SNX30: variants seen among roughly 807,000 people sequenced by gnomAD.
SNX30 encodes sorting nexin-30.
A neutral mutation model predicts 46.4 loss-of-function variants in SNX30; 24 were observed. The observed-to-expected ratio is 0.52, with a 90% CI of 0.37 to 0.73. The LOEUF (loss-of-function observed/expected upper bound fraction) is 0.73. SNX30 is among the 30% of genes least tolerant of loss of function. SNX30 has a pLI of 0.00. For missense variants in SNX30, 533 were observed against 555.7 expected, an observed-to-expected ratio of 0.96 and a Z score of 0.41; for synonymous variants, 189 against 211.5, an observed-to-expected ratio of 0.89 and a Z score of 0.92.
intron 3 of SNX30, 67 bp from the exon 4 acceptor site, chr9:112,830,658 T>A (rs750291355): frequency 6.8e-7 from 1 of 1,470,642 alleles, no homozygotes; most frequent in Admixed American, 2.1e-5. Flanking sequence ...AACTGTGTGC[T>A]AGCCTGGTTG....
intron 1 of SNX30, among the ~76,000 whole-genome samples, chr9:112,756,758 G>C (rs528622361): frequency 6.6e-6 from 1 of 152,298 alleles, no homozygotes; most frequent in South Asian, 2.1e-4. Flanking sequence ...ACTGCGCTCG[G>C]CTCCTTCACC....
downstream of SNX30, among the ~76,000 whole-genome samples, chr9:112,881,841 T>C (rs1841581728): frequency 6.6e-6 from 1 of 152,188 alleles, no homozygotes; most frequent in East Asian, 1.9e-4. Flanking sequence ...TAGGAAGCTC[T>C]GGGAGCATGT....
chr9:112,815,574 T>C lies in SNX30; in HGVS notation c.349-2131T>C, dbSNP rs552247841. ...CAGGGTTTCACCATGTTGGCCAGGCTGATCTTGAACTACCGACCCCAAATG... is the reference window on the plus strand; with the variant it reads ...CAGGGTTTCACCATGTTGGCCAGGCCGATCTTGAACTACCGACCCCAAATG... On this transcript the variant is annotated intron_variant, in intron 2 of 8. Transcript: ENST00000374232. 3.9e-5 allele frequency among the ~76,000 whole-genome samples: 6 copies of C among 152,292 alleles called. No individual in the cohort carries two copies. In the South Asian group the frequency reaches 1.2e-3, roughly 32 times the overall value.
At chr9:112,824,530 G>GTT (rs11458353) in intron 3 of SNX30, among the ~76,000 whole-genome samples, 44 of 143,528 alleles carry the variant, frequency 3.1e-4, no homozygotes, top group South Asian at 6.7e-4. Flanking sequence ...ACACCCAGGT[G>GTT]TTTTTTTTTT....
chr9:112,846,367 T>C (rs1237032512), intron 6 of SNX30, among the ~76,000 whole-genome samples: 1 of 152,218 alleles, frequency 6.6e-6, no homozygotes, highest in East Asian at 1.9e-4. Flanking sequence ...GAGGGGATAA[T>C]GTGTGGTTTC....
chr9:112,838,280 A>G (rs1840796048), intron 5 of SNX30, among the ~76,000 whole-genome samples: 1 of 152,188 alleles, frequency 6.6e-6, no homozygotes, highest in Non-Finnish European at 1.5e-5. Context: ...CATTCCCATC[A>G]CGGGATGGAA....
At chr9:112,751,944 A>C (rs1349935461) in intron 1 of SNX30, among the ~76,000 whole-genome samples, 1 of 152,134 alleles carries the variant, frequency 6.6e-6, no homozygotes, top group Non-Finnish European at 1.5e-5. Flanking sequence ...CCCTACCCCC[A>C]TGGCCATTTC....
At chr9:112,857,457 G>A (rs1205314884) in intron 7 of SNX30, among the ~76,000 whole-genome samples, 2 of 152,218 alleles carry the variant, frequency 1.3e-5, no homozygotes, top group East Asian at 1.9e-4. Context: ...CCAGAGGGCA[G>A]AGGACCAATC....
intron 6 of SNX30, among the ~76,000 whole-genome samples, chr9:112,845,005 A>G (rs1564289417): frequency 6.6e-6 from 1 of 152,214 alleles, no homozygotes; most frequent in Admixed American, 6.5e-5. Flanking sequence ...TCCTGAACAA[A>G]AGAGATTATA....
In SNX30 at chr9:112,751,138, C is replaced by A; in HGVS notation, c.137C>A (p.Ala46Asp). ...ACGCCCAGCCCGGACCTGCTGATGG[C>A]CCGCAGCTTCGGTGACAAGGTGGGG... ...DSTPSPDLLMARSFGDKDLIL... is the reference protein window; with the variant it reads ...DSTPSPDLLMDRSFGDKDLIL... Residue 46 changes from alanine to aspartate, a missense_variant, in exon 1 of 9, where the codon GCC becomes GAC. This residue lies in a region of SNX30 where 191 missense variants were observed against 160.3 expected (regional missense o/e 1.19). Coordinates refer to ENST00000374232, the MANE Select transcript of SNX30 (RefSeq NM_001012994.2). 6.6e-7 allele frequency: 1 copy of A among 1,510,614 alleles called. No homozygotes were observed. Among genetic ancestry groups the A allele is most frequent in the Non-Finnish European group, 8.8e-7 (1 of 1,136,370 alleles). 93.6% of individuals were successfully genotyped at this position (1,510,614 alleles called of 1,614,324 possible).
chr9:112,776,805 G>A (rs787280), intron 1 of SNX30, among the ~76,000 whole-genome samples: 132,796 of 152,232 alleles, frequency 0.87, 58,123 homozygotes, highest in Middle Eastern at 0.91. Flanking sequence ...ATGTGTGGCT[G>A]ATAACAGGAC....
intron 1 of SNX30, among the ~76,000 whole-genome samples, chr9:112,768,377 G>A (rs1839579987): frequency 6.6e-6 from 1 of 152,206 alleles, no homozygotes; most frequent in Non-Finnish European, 1.5e-5. Flanking sequence ...AGAGCTCATA[G>A]AAACTGCAGA....
chr9:112,754,246 A>C (rs892041322), intron 1 of SNX30, among the ~76,000 whole-genome samples: 1 of 152,180 alleles, frequency 6.6e-6, no homozygotes, highest in Non-Finnish European at 1.5e-5. Context: ...GTGCTTGGGT[A>C]GAAGAGAAAG....
chr9:112,769,311 C>G (rs1455069051), intron 1 of SNX30, among the ~76,000 whole-genome samples: 1 of 152,226 alleles, frequency 6.6e-6, no homozygotes, highest in Non-Finnish European at 1.5e-5. Context: ...CCTTCACTTG[C>G]AGAAGTGCTT....
intron 1 of SNX30, among the ~76,000 whole-genome samples, chr9:112,775,614 T>C (rs1839734119): frequency 3.5e-5 from 5 of 144,132 alleles, no homozygotes. Context: ...TCACACAGAA[T>C]TTAGAAGTTA....
chr9:112,828,712 G>A (rs1840614536), intron 3 of SNX30, among the ~76,000 whole-genome samples: 1 of 152,166 alleles, frequency 6.6e-6, no homozygotes, highest in African/African-American at 2.4e-5. Flanking sequence ...ATTAATAAGT[G>A]CTGGTACTAT....
chr9:112,866,623 G>GGAAGC, intron 8 of SNX30: 1 of 452,362 alleles, frequency 2.2e-6, no homozygotes, highest in South Asian at 1.6e-5. Flanking sequence ...GGAGGAATCA[G>GGAAGC]GAAGCAATTT....
chr9:112,859,773 C>G (rs1013694125), intron 7 of SNX30, among the ~76,000 whole-genome samples: 8 of 151,590 alleles, frequency 5.3e-5, no homozygotes, highest in African/African-American at 1.9e-4. Flanking sequence ...TCCTGAAGTG[C>G]TGGGATTACA....
At chr9:112,786,117 CT>C (rs140987500) in intron 1 of SNX30, among the ~76,000 whole-genome samples, 15,300 of 129,846 alleles carry the variant, frequency 0.12, 747 homozygotes, top group Middle Eastern at 0.14. Flanking sequence ...AGGAGCTGTC[CT>C]TTTTTTTTTT....
Sources: allele counts gnomAD v4.1 joint callset (sites outside exome capture counted in the v4.1 genomes callset), GRCh38; gene constraint gnomAD v4.1.1; regional missense constraint gnomAD v4.1.1; transcripts MANE v1.5; gene names NCBI Gene and HGNC (gene_info 2026-07-23, HGNC 2026-07-21).